CREB5: variants seen among roughly 807,000 people sequenced by gnomAD.
The protein encoded by CREB5 is cAMP responsive element binding protein 5, also known as cyclic AMP-responsive element-binding protein 5.
Under a neutral mutation model 57.1 loss-of-function variants are expected in CREB5, and 19 were observed. The ratio of observed to expected loss-of-function variants is 0.33; its 90% CI spans 0.23 to 0.49. The LOEUF is 0.49. Ranked by LOEUF, CREB5 falls within the 20% of genes least tolerant of loss-of-function variation. The pLI is 0.99. For missense variants in CREB5, 579 were observed against 671.6 expected (o/e 0.86, Z 1.52); for synonymous variants, 238 against 238.3 (o/e 1.00, Z 0.01).
chr7:28,515,727 A>G (rs1302326714), intron 4 of CREB5, among the ~76,000 whole-genome samples: 1 of 152,120 alleles, frequency 6.6e-6, no homozygotes, highest in Non-Finnish European at 1.5e-5. Flanking sequence ...CGTTTCTATT[A>G]CCTCAAGCCT....
Position 28,522,396 on chromosome 7 carries a change from T to G in CREB5, c.291+14659T>G, listed in dbSNP as rs987308452. ...TGACTATATCCTGCTCTTTGTTTTT[T>G]TTTTTTTTTTTTTTTCTGAGGTGGA... On this transcript the variant is annotated intron_variant, in intron 4 of 10. Coordinates refer to ENST00000357727, the MANE Select transcript of CREB5 (RefSeq NM_182898.4). Among the ~76,000 whole-genome samples the G allele has an allele frequency of 3.4e-3, 503 of 148,824 alleles. 4 individuals are homozygous for G. The highest frequency in any genetic ancestry group is 5.4e-3 in the Non-Finnish European group (360 of 67,272).
chr7:28,561,017 CGTGTGTGCGT>C (rs1484114754), intron 4 of CREB5, among the ~76,000 whole-genome samples: 4 of 30,428 alleles, frequency 1.3e-4, no homozygotes, highest in African/African-American at 3.5e-4. Context: ...TGTGTGTGTG[CGTGTGTGCGT>C]GTGTGTGTGT....
chr7:28,515,669 C>A (rs993085531), intron 4 of CREB5, among the ~76,000 whole-genome samples: 2 of 152,080 alleles, frequency 1.3e-5, no homozygotes, highest in Non-Finnish European at 2.9e-5. Flanking sequence ...CTCCTTAGGT[C>A]CAATCAAATT....
At chr7:28,565,117 A>G (rs1192813762) in intron 4 of CREB5, among the ~76,000 whole-genome samples, 2 of 152,178 alleles carry the variant, frequency 1.3e-5, no homozygotes, top group African/African-American at 4.8e-5. Flanking sequence ...TATTTTCAAC[A>G]CTATTACACA....
At chr7:28,666,688 A>G (rs1799838105) in intron 5 of CREB5, among the ~76,000 whole-genome samples, 1 of 152,110 alleles carries the variant, frequency 6.6e-6, no homozygotes, top group African/African-American at 2.4e-5. Flanking sequence ...AAACTTGGGC[A>G]TGGTGGTTCA....
At chr7:28,713,926 A>G (rs1008534317) in intron 5 of CREB5, among the ~76,000 whole-genome samples, 1 of 151,986 alleles carries the variant, frequency 6.6e-6, no homozygotes, top group African/African-American at 2.4e-5. Flanking sequence ...TTTTTTTTCA[A>G]GATTTCTTCG....
rs141066717 is a variant in CREB5, at chr7:28,652,426, A to G, written c.465-66327A>G. Among the ~76,000 whole-genome samples the G allele has an allele frequency of 3.3e-5, 5 of 152,332 alleles. No individual in the cohort carries two copies. The East Asian group carries it at 9.7e-4, about 29-fold the overall frequency. ...TGATTTTTAAAGTGTCAGAAACATG[A>G]GTATTTATAGAAAGCCAGCATAGAT... On this transcript the variant is annotated intron_variant, in intron 5 of 10. Transcript: ENST00000357727.
At chr7:28,527,334 C>A (rs1487243390) in intron 4 of CREB5, among the ~76,000 whole-genome samples, 2 of 152,184 alleles carry the variant, frequency 1.3e-5, no homozygotes, top group Admixed American at 6.5e-5. Flanking sequence ...TTACCAAATG[C>A]CTTCTTTGGA....
chr7:28,300,058 ATTTAT>A (rs1477618547), intron 1 of CREB5, among the ~76,000 whole-genome samples: 2 of 742 alleles, frequency 2.7e-3, no homozygotes, highest in Non-Finnish European at 5.8e-3. Flanking sequence ...AGCTTTATTT[ATTTAT>A]TTATTTATTT....
intron 5 of CREB5, among the ~76,000 whole-genome samples, chr7:28,593,931 C>A (rs539425390): frequency 6.6e-6 from 1 of 152,304 alleles, no homozygotes; most frequent in South Asian, 2.1e-4. Context: ...GGGAGGTTAT[C>A]CCCAGCAGCA....
At chr7:28,415,502 A>G (rs570830114) in intron 1 of CREB5, among the ~76,000 whole-genome samples, 1 of 152,362 alleles carries the variant, frequency 6.6e-6, no homozygotes, top group Non-Finnish European at 1.5e-5. Context: ...GATCTTTGGA[A>G]TGAACACCTT....
Position 28,371,581 on chromosome 7 carries a change from C to G in CREB5, c.-25+72140C>G, listed in dbSNP as rs1786706897. Among the ~76,000 whole-genome samples the G allele has an allele frequency of 2.0e-5, 3 of 152,054 alleles. No individual in the cohort carries two copies. The South Asian group carries it at 6.2e-4, about 32-fold the overall frequency. ...GAACAGGTCTTCAGCCCTGGAAAGC[C>G]CTGCGGGCAGCACCACCATGGCCCC... is the stretch of plus-strand genomic sequence containing the variant. On this transcript the variant is annotated intron_variant, in intron 1 of 9. Coordinates refer to the CREB5 transcript ENST00000396299.
chr7:28,458,563 A>G (rs2128573264), intron 1 of CREB5, among the ~76,000 whole-genome samples: 1 of 152,348 alleles, frequency 6.6e-6, no homozygotes, highest in South Asian at 2.1e-4. Flanking sequence ...GGCAGGCAGG[A>G]AAGGGCTGTG....
chr7:28,560,849 T>TGTGCGTGC (rs1562797145), intron 4 of CREB5, among the ~76,000 whole-genome samples: 5 of 87,052 alleles, frequency 5.7e-5, no homozygotes, highest in Admixed American at 1.0e-4. Flanking sequence ...TGTGTGCGCG[T>TGTGCGTGC]GTGTGTGTGC....
chr7:28,599,365 C>G (rs1484646171), intron 5 of CREB5, among the ~76,000 whole-genome samples: 2 of 152,074 alleles, frequency 1.3e-5, no homozygotes, highest in Admixed American at 1.3e-4. Flanking sequence ...AAAATAAGCC[C>G]ATAAATACAT....
chr7:28,742,619 C>A (rs1392775362), intron 7 of CREB5, among the ~76,000 whole-genome samples: 1 of 152,002 alleles, frequency 6.6e-6, no homozygotes. Flanking sequence ...CCTTCATCTC[C>A]TCCTCATCAT....
At chr7:28,585,065 A>G (rs1244642667) in intron 5 of CREB5, among the ~76,000 whole-genome samples, 1 of 152,206 alleles carries the variant, frequency 6.6e-6, no homozygotes, top group Non-Finnish European at 1.5e-5. Context: ...CTGCAAACCT[A>G]CACTGCCATA....
intron 5 of CREB5, among the ~76,000 whole-genome samples, chr7:28,682,932 G>A (rs768019283): frequency 1.3e-5 from 2 of 152,122 alleles, no homozygotes; most frequent in Non-Finnish European, 2.9e-5. Flanking sequence ...CTTCGGAGCC[G>A]AACATTTCAT....
chr7:28,311,378 C>T (rs1785273517), intron 1 of CREB5, among the ~76,000 whole-genome samples: 1 of 152,138 alleles, frequency 6.6e-6, no homozygotes, highest in African/African-American at 2.4e-5. Context: ...GCTGTTTCTG[C>T]ATCATTAAAA....
Sources: allele counts gnomAD v4.1 joint callset (sites outside exome capture counted in the v4.1 genomes callset), GRCh38; gene constraint gnomAD v4.1.1; transcripts MANE v1.5; gene names NCBI Gene and HGNC (gene_info 2026-07-23, HGNC 2026-07-21).